The following RALYL variants were observed in gnomAD, a reference collection of about 807,000 sequenced individuals.
RALYL encodes RNA-binding Raly-like protein.
Under a neutral mutation model 35.1 loss-of-function variants are expected in RALYL, and 29 were observed. That is an observed-to-expected ratio of 0.83 (90% CI 0.61 to 1.13). The LOEUF (loss-of-function observed/expected upper bound fraction) is 1.13. Among genes scored for constraint, RALYL ranks in the 50% most tolerant of loss-of-function variants. RALYL has a pLI of 0.00. For missense variants in RALYL, 359 were observed against 360.4 expected (o/e 1.00, Z 0.03); for synonymous variants, 120 against 127.6 (o/e 0.94, Z 0.40).
At chr8:84,506,627 A>G (rs1204145738) in intron 1 of RALYL, among the ~76,000 whole-genome samples, 1 of 152,010 alleles carries the variant, frequency 6.6e-6, no homozygotes, top group Non-Finnish European at 1.5e-5. Flanking sequence ...TTTAAAAATA[A>G]TTTTAAAATA....
rs530719751 is a variant in RALYL at position 84,346,320 on chromosome 8, A to G, written c.-24+161896A>G. Among the ~76,000 whole-genome samples the G allele has an allele frequency of 3.9e-5, 6 of 152,212 alleles. No individual in the cohort carries two copies. In the East Asian group the frequency reaches 1.2e-3, roughly 29 times the overall value. On this transcript the variant is annotated intron_variant, in intron 1 of 8. Coordinates refer to ENST00000521268, the MANE Select transcript of RALYL (RefSeq NM_173848.7). ...TGACAGGCTTGCCTGTCTTTAAAGT[A>G]ATTTATTACCCATGTTGGTTTTTTG...
rs192380970 is a variant in RALYL, at chr8:84,264,010, A to G, written c.-24+79586A>G. 4.2e-3 allele frequency among the ~76,000 whole-genome samples: 646 copies of G among 152,144 alleles called. 3 individuals are homozygous for G. Among genetic ancestry groups the G allele is most frequent in the African/African-American group, 0.015 (604 of 41,488 alleles). ...GTACCACATTTTCTTTATCCATTCT[A>G]TCATTGATGGGCATTTGGGTTGATT... On this transcript the variant is annotated intron_variant, in intron 1 of 8. Coordinates refer to ENST00000521268, the MANE Select transcript of RALYL (RefSeq NM_173848.7).
chr8:84,854,920 TGA>T (rs966597830), intron 5 of RALYL, among the ~76,000 whole-genome samples: 2 of 152,148 alleles, frequency 1.3e-5, no homozygotes, highest in African/African-American at 4.8e-5. Context: ...CCCAAATCTC[TGA>T]GATGGGGATA....
chr8:84,850,983 T>C (rs1835743985), intron 5 of RALYL, among the ~76,000 whole-genome samples: 2 of 152,338 alleles, frequency 1.3e-5, no homozygotes, highest in South Asian at 4.1e-4. Context: ...CTAGAGTCTC[T>C]TGAGTAGAGG....
At chr8:84,371,316 TTTTAG>T (rs1855632969) in intron 1 of RALYL, among the ~76,000 whole-genome samples, 1 of 152,130 alleles carries the variant, frequency 6.6e-6, no homozygotes, top group Admixed American at 6.6e-5. Flanking sequence ...TTTAAAAGAT[TTTTAG>T]TATAACGTAT....
At chr8:84,680,016 G>A (rs777160218) in intron 2 of RALYL, among the ~76,000 whole-genome samples, 9 of 144,950 alleles carry the variant, frequency 6.2e-5, no homozygotes, top group Middle Eastern at 7.0e-3. Context: ...CCCACCCCAC[G>A]ACAGGCCCCG....
At chr8:84,512,537 A>G (rs534561810) in intron 1 of RALYL, among the ~76,000 whole-genome samples, 81 of 152,150 alleles carry the variant, frequency 5.3e-4, no homozygotes, top group African/African-American at 1.9e-3. Flanking sequence ...TTAGTTTAAT[A>G]TAGTCCCATT....
At chr8:84,307,281 G>T (rs1028187643) in intron 1 of RALYL, among the ~76,000 whole-genome samples, 5 of 152,050 alleles carry the variant, frequency 3.3e-5, no homozygotes, top group Admixed American at 3.3e-4. Flanking sequence ...CTGGTTCATA[G>T]CATAATCAAT....
intron 8 of RALYL, among the ~76,000 whole-genome samples, chr8:84,903,874 A>G (rs1052806240): frequency 6.6e-6 from 1 of 152,204 alleles, no homozygotes; most frequent in Admixed American, 6.5e-5. Context: ...CAACAGAATA[A>G]TAATTAGTCT....
At chr8:84,613,009 T>C (rs530429008) in intron 2 of RALYL, among the ~76,000 whole-genome samples, 1 of 151,804 alleles carries the variant, frequency 6.6e-6, no homozygotes, top group South Asian at 2.1e-4. Context: ...GCAAAGTGTG[T>C]TTTGTGATCC....
intron 4 of RALYL, among the ~76,000 whole-genome samples, chr8:84,837,686 C>T (rs1477317163): frequency 6.6e-6 from 1 of 152,050 alleles, no homozygotes; most frequent in Non-Finnish European, 1.5e-5. Context: ...ATATATGGCT[C>T]TAAGCAATTA....
chr8:84,348,365 C>A (rs370225257), intron 1 of RALYL, among the ~76,000 whole-genome samples: 1 of 152,056 alleles, frequency 6.6e-6, no homozygotes, highest in Non-Finnish European at 1.5e-5. Flanking sequence ...GGCTTGCATG[C>A]ACTTTTTCTG....
intron 1 of RALYL, among the ~76,000 whole-genome samples, chr8:84,263,388 A>T (rs950828836): frequency 1.3e-5 from 2 of 152,206 alleles, no homozygotes; most frequent in Admixed American, 6.5e-5. Context: ...ACAACATTAA[A>T]AAATAGCAAG....
Position 84,699,831 on chromosome 8 carries a change from C to A in RALYL, c.257-74748C>A, listed in dbSNP as rs1049943836. On this transcript the variant is annotated intron_variant, in intron 2 of 8. Transcript: ENST00000521268. Reference sequence around the variant, plus strand: ...AAGAGACCTTGTACCTTTTTAGGTTCAGGATTATTTTACGTTATACCTTTA... The same window carrying A: ...AAGAGACCTTGTACCTTTTTAGGTTAAGGATTATTTTACGTTATACCTTTA... 3.6e-4 allele frequency among the ~76,000 whole-genome samples: 54 copies of A among 151,976 alleles called. 1 individual carries two copies. Among genetic ancestry groups the A allele is most frequent in the Non-Finnish European group, 1.5e-5 (1 of 67,998 alleles).
intron 2 of RALYL, among the ~76,000 whole-genome samples, chr8:84,692,253 AC>A (rs1838212015): frequency 6.6e-6 from 1 of 151,994 alleles, no homozygotes; most frequent in African/African-American, 2.4e-5. Context: ...GAAATAAAAA[AC>A]ATCCCTATTT....
chr8:84,848,728 A>G (rs1346210144), intron 4 of RALYL, among the ~76,000 whole-genome samples: 1 of 152,222 alleles, frequency 6.6e-6, no homozygotes, highest in African/African-American at 2.4e-5. Context: ...ATGTTTGTAC[A>G]ATTTTGTGAA....
At chr8:84,758,455 A>T (rs1051360523) in intron 2 of RALYL, among the ~76,000 whole-genome samples, 1 of 152,196 alleles carries the variant, frequency 6.6e-6, no homozygotes, top group Non-Finnish European at 1.5e-5. Flanking sequence ...GGAACCTGAG[A>T]GTAGTTTACC....
Position 84,807,580 on chromosome 8 carries a change from A to G in RALYL, c.365+2778A>G, listed in dbSNP as rs73299252. On this transcript the variant is annotated intron_variant, in intron 4 of 8. Transcript: ENST00000521268. ...GGTAGTTCTACTATTAGTTCTTTAA[A>G]GAATCTTTACACTGTTTTCTATAGT... Among the ~76,000 whole-genome samples the G allele has an allele frequency of 5.3e-3, 809 of 152,294 alleles. 4 individuals carry two copies. Among genetic ancestry groups the G allele is most frequent in the African/African-American group, 0.018 (769 of 41,568 alleles).
intron 4 of RALYL, among the ~76,000 whole-genome samples, chr8:84,825,129 T>C (rs1237213464): frequency 2.0e-5 from 3 of 152,082 alleles, no homozygotes; most frequent in African/African-American, 4.8e-5. Context: ...ATCCAGAATC[T>C]TTAAGGAACT....
Sources: allele counts gnomAD v4.1 joint callset (sites outside exome capture counted in the v4.1 genomes callset), GRCh38; gene constraint gnomAD v4.1.1; transcripts MANE v1.5; gene names NCBI Gene and HGNC (gene_info 2026-07-23, HGNC 2026-07-21).